The following POLR3C variants were observed in gnomAD, a reference collection of about 807,000 sequenced individuals.
POLR3C encodes DNA-directed RNA polymerase III subunit RPC3.
Under a neutral mutation model 65.9 loss-of-function variants are expected in POLR3C, and 44 were observed. The observed-to-expected ratio is 0.67, with a 90% CI of 0.52 to 0.86. POLR3C has a LOEUF of 0.86. POLR3C is among the 40% of genes least tolerant of loss of function. POLR3C has a pLI of 0.00. For synonymous variants in POLR3C, 263 were observed against 231.6 expected (o/e 1.14, Z -1.23); for missense variants, 576 against 653.2 (o/e 0.88, Z 1.29).
chr1:145,832,790 G>A (rs1651444702), intron 5 of POLR3C, among the ~76,000 whole-genome samples: 1 of 152,152 alleles, frequency 6.6e-6, no homozygotes, highest in Non-Finnish European at 1.5e-5. Context: ...TGGAGTCCGA[G>A]GCAGGCAGAT....
Position 145,827,003 on chromosome 1 carries a change from T to C in POLR3C, c.587T>C (p.Ile196Thr). Residue 196 changes from isoleucine (I) to threonine (T), a missense_variant and splice_region_variant, in exon 4 of 15, where the codon ATA becomes ACA. Ile to Thr is a moderately conservative substitution (Grantham distance 89, BLOSUM62 -1). Transcript: ENST00000334163. ...TACCTGGTTCCTAAACTCAGCTTGA[T>C]AGGTAAGGAATTTTAACCCCTGGAA... ...DMYLVPKLSLIGKGKRRRSSD... is the reference protein window; with the variant it reads ...DMYLVPKLSLTGKGKRRRSSD... 1 of 1,605,446 alleles carries C rather than the reference T, an allele frequency of 6.2e-7. No individual in the cohort carries two copies. The highest frequency in any genetic ancestry group is 8.5e-7 in the Non-Finnish European group (1 of 1,176,408).
intron 1 of POLR3C, among the ~76,000 whole-genome samples, chr1:145,825,530 G>T (rs1553725534): frequency 6.6e-6 from 1 of 152,098 alleles, no homozygotes; most frequent in Non-Finnish European, 1.5e-5. Flanking sequence ...TTTCCACTAA[G>T]TCGGTATTAT....
At chr1:145,833,660 T>C in intron 7 of POLR3C, 78 bp downstream of exon 7, 1 of 987,054 alleles carries the variant, frequency 1.0e-6, no homozygotes, top group South Asian at 1.3e-5. Flanking sequence ...AGATCCTGAG[T>C]TTGGGTTGAG....
intron 7 of POLR3C, 147 bp from the exon 8 acceptor site, chr1:145,836,347 T>A (rs1651837029): frequency 1.6e-6 from 1 of 630,918 alleles, no homozygotes; most frequent in South Asian, 1.8e-5. Context: ...CTCCAACTCT[T>A]GACCCAAAGT....
In POLR3C at chr1:145,824,822, C is replaced by A. The variant is rs1650567975; in HGVS notation, c.-21+453C>A. Among the ~76,000 whole-genome samples, 5 of 152,218 alleles carry A rather than the reference C, an allele frequency of 3.3e-5. No individual in the cohort carries two copies. The South Asian group carries it at 1.0e-3, about 32-fold the overall frequency. On this transcript the variant is annotated intron_variant, in intron 1 of 14. Transcript: ENST00000334163. ...TCCTAAATTTCTTTTTCGAAATTATCATTTCCTTTATGGACTGAGAATAAC... is the reference window on the plus strand; with the variant it reads ...TCCTAAATTTCTTTTTCGAAATTATAATTTCCTTTATGGACTGAGAATAAC...
intron 12 of POLR3C, 37 bp from the exon 13 acceptor site, chr1:145,840,079 A>AC: frequency 6.4e-7 from 1 of 1,573,424 alleles, no homozygotes. Flanking sequence ...CTGAAATAGA[A>AC]CTATGTGCAT....
intron 4 of POLR3C, among the ~76,000 whole-genome samples, chr1:145,827,831 G>A (rs1255109459): frequency 9.9e-5 from 15 of 152,058 alleles, no homozygotes; most frequent in Non-Finnish European, 2.2e-4. Context: ...GGGAGGCTGG[G>A]GCAGGAGAAT....
chr1:145,831,529 A>G (rs868975836), intron 5 of POLR3C, among the ~76,000 whole-genome samples: 1 of 151,824 alleles, frequency 6.6e-6, no homozygotes, highest in South Asian at 2.1e-4. Flanking sequence ...AAAAAAAAAA[A>G]AAGAGAGAGT....
intron 4 of POLR3C, among the ~76,000 whole-genome samples, chr1:145,827,684 G>A (rs1211353421): frequency 2.6e-5 from 4 of 151,494 alleles, no homozygotes; most frequent in East Asian, 1.9e-4. Flanking sequence ...GCATGAACCC[G>A]GGAAGCGGAG....
chr1:145,824,465 A>G, intron 1 of POLR3C, 96 bp downstream of exon 1: 1 of 1,046,168 alleles, frequency 9.6e-7, no homozygotes, highest in Middle Eastern at 2.4e-4. Context: ...TAGAGCTAGG[A>G]GCCAAGCGCC....
Position 145,843,311 on chromosome 1 carries a change from TTCTC to T in POLR3C, c.*898_*901del, listed in dbSNP as rs373078178. Among the ~76,000 whole-genome samples the T allele has an allele frequency of 1.3e-5, 2 of 152,212 alleles. No individual in the cohort carries two copies. The highest frequency in any genetic ancestry group is 2.4e-5 in the African/African-American group (1 of 41,452). On this transcript the variant is annotated 3_prime_UTR_variant, in exon 15 of 15. Transcript: ENST00000334163. ...GTTCCTTAAAACTGGCAACGCTAAA[TTCTC>T]TCTCTCAGTATCACGGATATAATTT...
chr1:145,835,661 G>T (rs1056142453), intron 7 of POLR3C, among the ~76,000 whole-genome samples: 1 of 151,774 alleles, frequency 6.6e-6, no homozygotes, highest in African/African-American at 2.4e-5. Flanking sequence ...TGCAACCTCC[G>T]CCTCCTGGGT....
chr1:145,828,326 AT>A (rs1288339577), intron 4 of POLR3C, among the ~76,000 whole-genome samples: 1 of 152,182 alleles, frequency 6.6e-6, no homozygotes, highest in African/African-American at 2.4e-5. Flanking sequence ...CCACTGAAGG[AT>A]TTTTAAGGAA....
chr1:145,832,501 A>G (rs1451825840), intron 5 of POLR3C, among the ~76,000 whole-genome samples: 1 of 152,200 alleles, frequency 6.6e-6, no homozygotes, highest in Non-Finnish European at 1.5e-5. Context: ...GAATACCAAT[A>G]TGGGCATTAA....
At chr1:145,826,426 CTCTT>C (rs1650750175) in intron 2 of POLR3C, 24 bp from the exon 3 acceptor site, 2 of 1,607,144 alleles carry the variant, frequency 1.2e-6, no homozygotes, top group Non-Finnish European at 1.7e-6. Context: ...GGTCTTTCCT[CTCTT>C]TCTTCTCTTT....
intron 7 of POLR3C, among the ~76,000 whole-genome samples, chr1:145,834,566 T>G (rs1553728059): frequency 6.6e-6 from 1 of 151,076 alleles, no homozygotes; most frequent in African/African-American, 2.4e-5. Flanking sequence ...TCCCAGCTAC[T>G]CGGGAGGCTG....
Position 145,825,775 on chromosome 1 carries a change from C to G in POLR3C, c.-2C>G, listed in dbSNP as rs781784392. 4.0e-5 allele frequency: 65 copies of G among 1,612,542 alleles called. No individual in the cohort carries two copies. Among genetic ancestry groups the G allele is most frequent in the Non-Finnish European group, 5.3e-5 (62 of 1,178,776 alleles). On this transcript the variant is annotated 5_prime_UTR_variant, in exon 2 of 15. Coordinates refer to ENST00000334163, the MANE Select transcript of POLR3C (RefSeq NM_006468.8). ...TCCCTAGCTCTCAGACTCCCCAGTA[C>G]AATGACTCAAGCAGAAATTAAGCTC...
chr1:145,826,780 CTT>C, intron 3 of POLR3C, 38 bp from the exon 4 acceptor site: 1 of 1,604,946 alleles, frequency 6.2e-7, no homozygotes, highest in African/African-American at 1.3e-5. Flanking sequence ...CCTGAGCTAT[CTT>C]AGGCCATCTC....
chr1:145,835,068 C>A (rs1440903781), intron 7 of POLR3C, among the ~76,000 whole-genome samples: 5 of 150,262 alleles, frequency 3.3e-5, no homozygotes, highest in African/African-American at 1.2e-4. Context: ...ATTGCTTGAG[C>A]CCAAGAGTTG....
Sources: gnomAD v4.1 joint callset for allele counts (sites outside exome capture counted in the v4.1 genomes callset) on GRCh38, gnomAD v4.1.1 for gene constraint, MANE v1.5 for transcripts, NCBI Gene and HGNC (gene_info 2026-07-23, HGNC 2026-07-21) for gene names.